The following MDGA2 variants were observed in gnomAD, a reference collection of about 807,000 sequenced individuals.
MDGA2 encodes MAM domain containing glycosylphosphatidylinositol anchor 2, also known as MAM domain-containing glycosylphosphatidylinositol anchor protein 2.
MDGA2 carries 40 observed loss-of-function variants against 117.8 expected under a neutral mutation model. The observed-to-expected ratio is 0.34, with a 90% CI of 0.26 to 0.44. The LOEUF (loss-of-function observed/expected upper bound fraction) is 0.44, where lower values mean the gene tolerates loss of function less well. Ranked by LOEUF, MDGA2 falls within the 20% of genes least tolerant of loss-of-function variation. The probability of loss-of-function intolerance (pLI) is 1.00; values close to 1 mark genes in which losing one functional copy is unlikely to be tolerated. For synonymous variants in MDGA2, 452 were observed against 439.0 expected (o/e 1.03, Z -0.37); for missense variants, 1,123 against 1,250.6 (o/e 0.90, Z 1.54).
At chr14:47,640,380 T>C (rs1897402080) in intron 1 of MDGA2, among the ~76,000 whole-genome samples, 2 of 152,140 alleles carry the variant, frequency 1.3e-5, no homozygotes, top group Non-Finnish European at 2.9e-5. Context: ...TTACCCGATG[T>C]ACTGCAATGA....
intron 2 of MDGA2, among the ~76,000 whole-genome samples, chr14:47,230,465 T>A (rs1220860262): frequency 6.6e-6 from 1 of 151,964 alleles, no homozygotes; most frequent in African/African-American, 2.4e-5. Context: ...ACAAGTTAAA[T>A]TAAAATGGCT....
Position 47,295,980 on chromosome 14 carries a change from A to AGATAGATAGATG in MDGA2, c.420+5430_420+5431insCATCTATCTATC, listed in dbSNP as rs58307199. On this transcript the variant is annotated intron_variant, in intron 2 of 16. Coordinates refer to ENST00000399232, the MANE Select transcript of MDGA2 (RefSeq NM_001113498.3). Reference sequence around the variant, plus strand: ...TAGATAGATAGATAGATAGATAGATATAGTAAAGCTGTAGAAGTTAAAATG... The same window carrying AGATAGATAGATG: ...TAGATAGATAGATAGATAGATAGATAGATAGATAGATGTAGTAAAGCTGTAGAAGTTAAAATG... Among the ~76,000 whole-genome samples the AGATAGATAGATG allele has an allele frequency of 1.8e-3, 262 of 148,898 alleles. 4 individuals carry two copies. The highest frequency in any genetic ancestry group is 5.0e-3 in the South Asian group (23 of 4,608).
At chr14:47,598,243 G>A (rs754669643) in intron 1 of MDGA2, among the ~76,000 whole-genome samples, 1 of 152,138 alleles carries the variant, frequency 6.6e-6, no homozygotes, top group Non-Finnish European at 1.5e-5. Flanking sequence ...AAATATTACA[G>A]CTGCTGTGGA....
At chr14:47,429,404 A>G (rs1465649949) in intron 1 of MDGA2, among the ~76,000 whole-genome samples, 1 of 152,036 alleles carries the variant, frequency 6.6e-6, no homozygotes, top group Non-Finnish European at 1.5e-5. Flanking sequence ...AGCAAATATA[A>G]CACAGGTAAT....
intron 3 of MDGA2, among the ~76,000 whole-genome samples, chr14:47,180,950 CA>C (rs1884678440): frequency 1.3e-5 from 2 of 151,866 alleles, no homozygotes; most frequent in East Asian, 3.9e-4. Flanking sequence ...ATAAAACAAA[CA>C]AAAACAAAAA....
At chr14:46,984,801 A>G (rs917531685) in intron 8 of MDGA2, among the ~76,000 whole-genome samples, 2 of 152,042 alleles carry the variant, frequency 1.3e-5, no homozygotes, top group Admixed American at 1.3e-4. Context: ...CAAAATTTAT[A>G]CTTAATTTTC....
intron 9 of MDGA2, among the ~76,000 whole-genome samples, chr14:46,945,099 T>C (rs555323590): frequency 6.6e-6 from 1 of 152,118 alleles, no homozygotes; most frequent in East Asian, 1.9e-4. Flanking sequence ...CTGTAAAGAG[T>C]GCCAAGTTTT....
chr14:47,119,316 C>T (rs11157549), intron 5 of MDGA2, among the ~76,000 whole-genome samples: 7,617 of 152,040 alleles, frequency 0.05, 244 homozygotes, highest in East Asian at 0.17. Flanking sequence ...CTGCCCGCCT[C>T]GGCCTCCCAA....
intron 1 of MDGA2, among the ~76,000 whole-genome samples, chr14:47,318,959 T>A (rs984435033): frequency 6.6e-6 from 1 of 152,218 alleles, no homozygotes; most frequent in African/African-American, 2.4e-5. Flanking sequence ...ATGAAACTAA[T>A]TCAGGTCAAT....
chr14:47,398,445 G>A (rs1040496596), intron 1 of MDGA2, among the ~76,000 whole-genome samples: 2 of 152,120 alleles, frequency 1.3e-5, no homozygotes, highest in South Asian at 4.1e-4. Context: ...TATACTTTAC[G>A]CTATGAAGAA....
intron 1 of MDGA2, among the ~76,000 whole-genome samples, chr14:47,456,492 G>A (rs908565052): frequency 1.3e-5 from 2 of 150,986 alleles, no homozygotes; most frequent in Non-Finnish European, 2.9e-5. Flanking sequence ...GACTAGAGAC[G>A]GGGTTTCTCC....
intron 3 of MDGA2, among the ~76,000 whole-genome samples, chr14:47,191,944 A>C (rs1194425997): frequency 6.6e-6 from 1 of 152,148 alleles, no homozygotes; most frequent in African/African-American, 2.4e-5. Context: ...AATGAGAAAA[A>C]CCATCCCAGA....
At chr14:47,099,389 A>G (rs1566623229) in intron 5 of MDGA2, among the ~76,000 whole-genome samples, 1 of 152,110 alleles carries the variant, frequency 6.6e-6, no homozygotes, top group Admixed American at 6.6e-5. Flanking sequence ...GATATAGGAA[A>G]AACATAAAAA....
intron 1 of MDGA2, among the ~76,000 whole-genome samples, chr14:47,430,102 T>C (rs1234766931): frequency 6.6e-6 from 1 of 151,492 alleles, no homozygotes; most frequent in East Asian, 1.9e-4. Flanking sequence ...GTTCCTACAG[T>C]GCCTTGTTGA....
At position 47,131,741 on chromosome 14, in the gene MDGA2, C is replaced by G; in HGVS notation, c.898G>C (p.Val300Leu). ...GTTTTATTGGACAGTCTAAACGACA[C>G]CATCTTATCAGGAATATTACATACA... ...RNVCNIPDKM[V>L]SFRLSNKTAS... The change falls in exon 5 of 17, where the codon GTG (valine) becomes CTG (leucine). Residue 300 changes from valine (V) to leucine (L), a missense_variant. Transcript: ENST00000399232. 5 of 1,577,822 alleles carry G rather than the reference C, an allele frequency of 3.2e-6. No homozygotes were observed. The South Asian group carries it at 4.6e-5, about 15-fold the overall frequency.
At position 47,379,795 on chromosome 14, in the gene MDGA2, C is replaced by A. The variant is rs1247150703; in HGVS notation, c.281-78245G>T. Among the ~76,000 whole-genome samples the A allele has an allele frequency of 3.3e-5, 5 of 152,108 alleles. No individual in the cohort carries two copies. In the East Asian group the frequency reaches 9.6e-4, roughly 29 times the overall value. ...ATGGGAGACTTTAACACTCCACTGT[C>A]AACATTAGACAGATCAACAAGACAG... On this transcript the variant is annotated intron_variant, in intron 1 of 16. Coordinates refer to ENST00000399232, the MANE Select transcript of MDGA2 (RefSeq NM_001113498.3).
intron 2 of MDGA2, among the ~76,000 whole-genome samples, chr14:47,263,282 A>C (rs1887859193): frequency 6.6e-6 from 1 of 152,026 alleles, no homozygotes; most frequent in African/African-American, 2.4e-5. Context: ...TTCAAATTAT[A>C]AATTGTTATT....
chr14:47,305,633 A>G (rs17739955), intron 1 of MDGA2, among the ~76,000 whole-genome samples: 13,594 of 152,176 alleles, frequency 0.089, 733 homozygotes, highest in Non-Finnish European at 0.11. Flanking sequence ...TTCACCTCAT[A>G]TATAGACTTT....
intron 10 of MDGA2, among the ~76,000 whole-genome samples, chr14:46,899,295 C>G (rs1278655590): frequency 2.0e-5 from 3 of 151,912 alleles, no homozygotes; most frequent in Non-Finnish European, 4.4e-5. Flanking sequence ...GTGAAGGAGT[C>G]TTTTCAAAGC....
Sources: allele counts gnomAD v4.1 joint callset (sites outside exome capture counted in the v4.1 genomes callset), GRCh38; gene constraint gnomAD v4.1.1; transcripts MANE v1.5; gene names NCBI Gene and HGNC (gene_info 2026-07-23, HGNC 2026-07-21).